Variants in COL18A1 observed in about 807,000 individuals in gnomAD.
COL18A1 encodes the protein collagen type XVIII alpha 1 chain, also known as collagen alpha-1(XVIII) chain.
A neutral mutation model predicts 168.0 loss-of-function variants in COL18A1; 133 were observed. The ratio of observed to expected loss-of-function variants is 0.79; its 90% CI spans 0.69 to 0.91. The LOEUF is 0.91. Among genes scored for constraint, COL18A1 ranks in the 40% least tolerant of loss-of-function variants. COL18A1 has a pLI of 0.00. For missense variants in COL18A1, 2,126 were observed against 1,925.4 expected (o/e 1.10, Z -1.95); for synonymous variants, 949 against 809.0 (o/e 1.17, Z -2.94).
At chr21:45,437,363 C>A (rs1326334397) in intron 2 of COL18A1, among the ~76,000 whole-genome samples, 1 of 125,722 alleles carries the variant, frequency 8.0e-6, no homozygotes, top group Non-Finnish European at 1.6e-5. Flanking sequence ...CCTGCGCACA[C>A]ACACACACTC....
chr21:45,460,468 A>G (rs1602436718), intron 2 of COL18A1, among the ~76,000 whole-genome samples: 1 of 152,306 alleles, frequency 6.6e-6, no homozygotes, highest in South Asian at 2.1e-4. Context: ...ATCACTGGAC[A>G]TTCGGAGGTC....
rs201691186 is a variant in COL18A1 at position 45,492,625 on chromosome 21, G to A, written c.2187+61G>A. 3.7e-4 allele frequency: 598 copies of A among 1,610,794 alleles called. 1 individual carries two copies. Among genetic ancestry groups the A allele is most frequent in the Non-Finnish European group, 4.7e-4 (552 of 1,178,228 alleles). On this transcript the variant is annotated intron_variant, in intron 23 of 41. Transcript: ENST00000651438. ...CGGGGACCTGGGTACAAGGCTGGGTGGGGTCCGGGCAGGCGCGAGGGTGCG... is the reference window on the plus strand; with the variant it reads ...CGGGGACCTGGGTACAAGGCTGGGTAGGGTCCGGGCAGGCGCGAGGGTGCG...
At chr21:45,481,779 G>A (rs773010505) in intron 13 of COL18A1, among the ~76,000 whole-genome samples, 184 bp from the exon 14 acceptor site, 15 of 152,364 alleles carry the variant, frequency 9.8e-5, no homozygotes, top group East Asian at 1.9e-4. Flanking sequence ...CAATGTGGCC[G>A]CGAAACTGCG....
rs540947479 is a variant in COL18A1 at position 45,406,284 on chromosome 21, C to T, written c.106+811C>T. On this transcript the variant is annotated intron_variant, in intron 2 of 41. Transcript: ENST00000651438. Reference sequence around the variant, plus strand: ...GCCTTGTCGCGGGTGGAATCCCACCCGGGGGTCCACGCAGCCAGCGCCTGC... The same window carrying T: ...GCCTTGTCGCGGGTGGAATCCCACCTGGGGGTCCACGCAGCCAGCGCCTGC... Among the ~76,000 whole-genome samples the T allele has an allele frequency of 5.3e-5, 8 of 152,286 alleles. No individual in the cohort carries two copies. The South Asian group carries it at 6.2e-4, about 12-fold the overall frequency.
At chr21:45,412,522 G>T (rs1241395669) in intron 2 of COL18A1, among the ~76,000 whole-genome samples, 1 of 152,174 alleles carries the variant, frequency 6.6e-6, no homozygotes, top group Non-Finnish European at 1.5e-5. Context: ...GATTCCAGGC[G>T]TGTGCCACTG....
rs185998001 is a variant in COL18A1 at position 45,481,579 on chromosome 21, C to T, written c.1612-384C>T. Among the ~76,000 whole-genome samples the T allele has an allele frequency of 6.6e-5, 10 of 152,354 alleles. No homozygotes were observed. In the East Asian group the frequency reaches 1.3e-3, roughly 21 times the overall value. On this transcript the variant is annotated intron_variant, in intron 13 of 41. Coordinates refer to ENST00000651438, the MANE Select transcript of COL18A1 (RefSeq NM_001379500.1). ...TTCACCGTCACCATCGGCTCTGAGG[C>T]CTCTCTGGGTGCCGCATGGCAAGTG... is the stretch of plus-strand genomic sequence containing the variant.
intron 15 of COL18A1, among the ~76,000 whole-genome samples, chr21:45,483,874 A>G (rs1035449748): frequency 1.3e-5 from 2 of 151,766 alleles, no homozygotes; most frequent in African/African-American, 4.9e-5. Context: ...ATACACACAC[A>G]CACCTCTCCA....
chr21:45,478,679 G>A (rs1436041691), intron 9 of COL18A1, among the ~76,000 whole-genome samples: 3 of 152,050 alleles, frequency 2.0e-5, no homozygotes, highest in Non-Finnish European at 4.4e-5. Context: ...GGTGCAAGTC[G>A]GCGGGGGAGG....
At chr21:45,480,648 T>C in intron 12 of COL18A1, 52 bp from the exon 13 acceptor site, 1 of 1,611,408 alleles carries the variant, frequency 6.2e-7, no homozygotes, top group Non-Finnish European at 8.5e-7. Context: ...GTGGTGGTCA[T>C]CCCTGGTGGG....
intron 2 of COL18A1, among the ~76,000 whole-genome samples, chr21:45,436,706 G>C (rs1379935990): frequency 6.6e-6 from 1 of 151,782 alleles, no homozygotes; most frequent in Non-Finnish European, 1.5e-5. Flanking sequence ...CTGCTCAGGG[G>C]ACTGCTGGTG....
intron 32 of COL18A1, among the ~76,000 whole-genome samples, chr21:45,502,171 C>T (rs1052325818): frequency 7.9e-5 from 12 of 152,190 alleles, no homozygotes; most frequent in Admixed American, 6.5e-4. Context: ...GCAGCAGTGA[C>T]CTCCAACCCC....
chr21:45,475,270 G>A (rs1052338879), intron 4 of COL18A1, among the ~76,000 whole-genome samples: 1 of 152,200 alleles, frequency 6.6e-6, no homozygotes, highest in African/African-American at 2.4e-5. Context: ...GATTGGACAC[G>A]ACTTACTGAA....
chr21:45,415,100 C>T (rs1165466225), intron 2 of COL18A1, among the ~76,000 whole-genome samples: 2 of 152,170 alleles, frequency 1.3e-5, no homozygotes, highest in Non-Finnish European at 2.9e-5. Context: ...AAGACACTGA[C>T]TGACTTGTCC....
In COL18A1 at chr21:45,480,706, C is replaced by G; in HGVS notation, c.1459C>G (p.Arg487Gly). ...TGTGTTCGCCCACGTCCAGGGTCCT[C>G]GAGGCTTCCCTGGACCTCCCGGACC... ...GGDLEALRGPRGFPGPPGPPG... is the reference protein window; with the variant it reads ...GGDLEALRGPGGFPGPPGPPG... Residue 487 changes from arginine to glycine, a missense_variant, in exon 13 of 42, where the codon CGA (arginine) becomes GGA (glycine). Coordinates refer to ENST00000651438, the MANE Select transcript of COL18A1 (RefSeq NM_001379500.1). 1.2e-6 allele frequency: 2 copies of G among 1,610,848 alleles called. No individual in the cohort carries two copies. The highest frequency in any genetic ancestry group is 1.7e-6 in the Non-Finnish European group (2 of 1,179,950).
chr21:45,483,120 C>G (rs1347682470), intron 15 of COL18A1, among the ~76,000 whole-genome samples: 1 of 152,268 alleles, frequency 6.6e-6, no homozygotes, highest in Non-Finnish European at 1.5e-5. Flanking sequence ...TGGAAACAAG[C>G]TCCGTGTGGC....
chr21:45,502,203 G>A (rs1244942578), intron 32 of COL18A1, among the ~76,000 whole-genome samples: 3 of 152,194 alleles, frequency 2.0e-5, no homozygotes, highest in Non-Finnish European at 4.4e-5. Context: ...CTGTGGGATG[G>A]GGGGCCCTGG....
chr21:45,422,600 A>T (rs769877098), intron 2 of COL18A1: 1 of 429,230 alleles, frequency 2.3e-6, no homozygotes, highest in Non-Finnish European at 4.9e-6. Flanking sequence ...CTCAGGGCAC[A>T]GTGGGTGGCA....
chr21:45,414,273 C>T (rs1393887163), intron 2 of COL18A1, among the ~76,000 whole-genome samples: 1 of 152,236 alleles, frequency 6.6e-6, no homozygotes, highest in Admixed American at 6.5e-5. Context: ...GTCCCCAAAT[C>T]TCAGCCCTGT....
chr21:45,429,141 T>A (rs565186808), intron 2 of COL18A1, among the ~76,000 whole-genome samples: 1 of 152,302 alleles, frequency 6.6e-6, no homozygotes, highest in East Asian at 1.9e-4. Context: ...GACCTTGTGA[T>A]CTGCCCGCCT....
Sources: gnomAD v4.1 joint callset for allele counts (sites outside exome capture counted in the v4.1 genomes callset) on GRCh38, gnomAD v4.1.1 for gene constraint, MANE v1.5 for transcripts, NCBI Gene and HGNC (gene_info 2026-07-23, HGNC 2026-07-21) for gene names.